The following TIAM1 variants were observed in gnomAD, a reference collection of about 807,000 sequenced individuals.
The protein encoded by TIAM1 is TIAM Rac1 associated GEF 1, also known as rho guanine nucleotide exchange factor TIAM1.
Under a neutral mutation model 163.5 loss-of-function variants are expected in TIAM1, and 65 were observed. The observed-to-expected ratio is 0.40, with a 90% CI of 0.33 to 0.49. The LOEUF is 0.49. TIAM1 is among the 20% of genes least tolerant of loss of function. TIAM1 has a pLI of 0.77. For synonymous variants in TIAM1, 833 were observed against 810.1 expected (o/e 1.03, Z -0.48); for missense variants, 1,789 against 2,044.7 (o/e 0.87, Z 2.41).
Position 31,556,867 on chromosome 21 carries a change from T to A in TIAM1, c.-422+2060A>T, listed in dbSNP as rs1391509445. Among the ~76,000 whole-genome samples, 7 of 152,352 alleles carry A rather than the reference T, an allele frequency of 4.6e-5. No individual in the cohort carries two copies. The East Asian group carries it at 1.4e-3, about 29-fold the overall frequency. On this transcript the variant is annotated intron_variant, in intron 1 of 28. Transcript: ENST00000286827. ...ATCCACCCTCCCTAGCCCAGCTTTT[T>A]ACCTTGAGATACAAAAAAGCATATG...
intron 15 of TIAM1, among the ~76,000 whole-genome samples, chr21:31,170,906 C>T (rs762947471): frequency 5.9e-5 from 9 of 151,514 alleles, no homozygotes; most frequent in African/African-American, 9.7e-5. Flanking sequence ...CATGGTGGCA[C>T]GCACCTATAA....
intron 5 of TIAM1, among the ~76,000 whole-genome samples, chr21:31,248,436 C>A (rs563919518): frequency 6.6e-6 from 1 of 152,302 alleles, no homozygotes; most frequent in African/African-American, 2.4e-5. Flanking sequence ...CGCGAAGCAG[C>A]AAATCTGAGA....
At chr21:31,424,809 T>C (rs956588220) in intron 2 of TIAM1, among the ~76,000 whole-genome samples, 39 of 152,300 alleles carry the variant, frequency 2.6e-4, no homozygotes, top group African/African-American at 9.1e-4. Context: ...CCAGCACTTT[T>C]GGAGGCCAAG....
At position 31,531,196 on chromosome 21, in the gene TIAM1, A is replaced by G. The variant is rs542717769; in HGVS notation, c.-422+27731T>C. ...TACTCCCCCCTTCTCTGATTGGAAT[A>G]TCTTAAGTAAAACCAGGCCTCCACT... On this transcript the variant is annotated intron_variant, in intron 1 of 28. Coordinates refer to the TIAM1 transcript ENST00000286827. Among the ~76,000 whole-genome samples, 9 of 152,264 alleles carry G rather than the reference A, an allele frequency of 5.9e-5. No individual in the cohort carries two copies. In the South Asian group the frequency reaches 1.9e-3, roughly 32 times the overall value.
At chr21:31,489,958 T>A (rs1250373686) in intron 1 of TIAM1, among the ~76,000 whole-genome samples, 2 of 152,220 alleles carry the variant, frequency 1.3e-5, no homozygotes, top group Admixed American at 6.5e-5. Flanking sequence ...AAGACTTTTT[T>A]ATCCAGCCCT....
At chr21:31,232,174 A>G (rs910056110) in intron 6 of TIAM1, among the ~76,000 whole-genome samples, 1 of 152,190 alleles carries the variant, frequency 6.6e-6, no homozygotes, top group Non-Finnish European at 1.5e-5. Flanking sequence ...TAAAAAAAGC[A>G]TAACAATCCC....
chr21:31,433,862 A>T (rs1201297049), intron 2 of TIAM1, among the ~76,000 whole-genome samples: 2 of 151,036 alleles, frequency 1.3e-5, no homozygotes, highest in Non-Finnish European at 2.9e-5. Flanking sequence ...CAGTGGTTTG[A>T]TCTCGGCTCA....
intron 2 of TIAM1, among the ~76,000 whole-genome samples, chr21:31,455,048 A>G (rs2045036051): frequency 2.0e-5 from 3 of 152,244 alleles, no homozygotes; most frequent in South Asian, 2.1e-4. Context: ...TGGGAGGCTG[A>G]GAGGGGTAGA....
At chr21:31,379,010 C>T (rs2076734443) in intron 2 of TIAM1, among the ~76,000 whole-genome samples, 1 of 152,148 alleles carries the variant, frequency 6.6e-6, no homozygotes, top group Admixed American at 6.5e-5. Context: ...CTCGCTCTGT[C>T]GCCCAGTTGA....
chr21:31,433,341 C>T (rs1396490198), intron 2 of TIAM1, among the ~76,000 whole-genome samples: 1 of 152,138 alleles, frequency 6.6e-6, no homozygotes, highest in African/African-American at 2.4e-5. Flanking sequence ...CTGAAATGTG[C>T]CTTAAACCCA....
intron 4 of TIAM1, among the ~76,000 whole-genome samples, chr21:31,256,622 C>T (rs1237940140): frequency 4.0e-5 from 6 of 150,580 alleles, no homozygotes; most frequent in African/African-American, 1.2e-4. Context: ...CACACACACA[C>T]ACACACGTAT....
intron 2 of TIAM1, among the ~76,000 whole-genome samples, chr21:31,353,315 G>A (rs751763493): frequency 6.6e-6 from 1 of 152,186 alleles, no homozygotes; most frequent in Non-Finnish European, 1.5e-5. Flanking sequence ...AGTAATTTCA[G>A]CAGTTAAGAC....
At chr21:31,464,147 C>T (rs2252208) in intron 1 of TIAM1, 54,834 of 151,990 alleles carry the variant, frequency 0.36, 10,116 homozygotes, top group Non-Finnish European at 0.39. Context: ...ATTTATAAAA[C>T]TCTACCAGAG....
At position 31,543,655 on chromosome 21, in the gene TIAM1, C is replaced by T. The variant is rs937300940; in HGVS notation, c.-422+15272G>A. On this transcript the variant is annotated intron_variant, in intron 1 of 28. Coordinates refer to the TIAM1 transcript ENST00000286827. ...TTTGACGTGCAGAAATAGAAATGTC[C>T]CAGATCTGGAAACAGTGTGAGCAAA... Among the ~76,000 whole-genome samples, 4 of 152,098 alleles carry T rather than the reference C, an allele frequency of 2.6e-5. No homozygotes were observed. In the East Asian group the frequency reaches 5.8e-4, roughly 22 times the overall value.
At chr21:31,390,581 G>A (rs948078320) in intron 2 of TIAM1, among the ~76,000 whole-genome samples, 14 of 152,150 alleles carry the variant, frequency 9.2e-5, no homozygotes, top group Non-Finnish European at 1.5e-4. Context: ...ATTCCAGGAG[G>A]TGAAACATTG....
Position 31,120,846 on chromosome 21 carries a change from A to G in TIAM1, c.4307-9T>C. On this transcript the variant is annotated splice_polypyrimidine_tract_variant and intron_variant, in intron 27 of 27. Coordinates refer to ENST00000541036, the MANE Select transcript of TIAM1 (RefSeq NM_001353694.2). This position sits in a 1 kb window ranked among gnomAD's most constrained non-coding sequence, Gnocchi z 4.2. ...CTTGCTTGGGGCAGACACTGCACACACACACAAAAATATAAAAATAAAACC... is the reference window on the plus strand; with the variant it reads ...CTTGCTTGGGGCAGACACTGCACACGCACACAAAAATATAAAAATAAAACC... The G allele has an allele frequency of 1.3e-6, 2 of 1,583,882 alleles. 1 individual carries two copies. The highest frequency in any genetic ancestry group is 4.5e-5 in the East Asian group (2 of 44,480).
chr21:31,522,271 C>T (rs2047625478), intron 1 of TIAM1, among the ~76,000 whole-genome samples: 1 of 151,256 alleles, frequency 6.6e-6, no homozygotes. Flanking sequence ...CTTTGGGAGG[C>T]CAAGGTGGGC....
At chr21:31,473,866 A>C (rs536065007) in intron 1 of TIAM1, among the ~76,000 whole-genome samples, 17 of 152,298 alleles carry the variant, frequency 1.1e-4, no homozygotes, top group African/African-American at 3.6e-4. Flanking sequence ...CAGAATCATT[A>C]GTCTGTTCCT....
At chr21:31,246,223 T>G (rs186318962) in intron 5 of TIAM1, among the ~76,000 whole-genome samples, 103 of 150,972 alleles carry the variant, frequency 6.8e-4, no homozygotes, top group Admixed American at 2.3e-3. Flanking sequence ...TCTATAAACT[T>G]TTTTTTTTTC....
Sources: gnomAD v4.1 joint callset for allele counts (sites outside exome capture counted in the v4.1 genomes callset) on GRCh38, gnomAD v4.1.1 for gene constraint, Gnocchi (gnomAD v3.1) non-coding constraint, MANE v1.5 for transcripts, NCBI Gene and HGNC (gene_info 2026-07-23, HGNC 2026-07-21) for gene names.